The following L3MBTL3 variants were observed in gnomAD, a reference collection of about 807,000 sequenced individuals.
L3MBTL3 encodes the protein lethal(3)malignant brain tumor-like protein 3.
Under a neutral mutation model 102.3 loss-of-function variants are expected in L3MBTL3, and 27 were observed. That is an observed-to-expected ratio of 0.26 (90% CI 0.19 to 0.36). The LOEUF is 0.36. Ranked by LOEUF, L3MBTL3 falls within the 10% of genes least tolerant of loss-of-function variation. L3MBTL3 has a pLI of 1.00. For synonymous variants in L3MBTL3, 340 were observed against 320.9 expected, an observed-to-expected ratio of 1.06 and a Z score of -0.64; for missense variants, 798 against 955.3, an observed-to-expected ratio of 0.84 and a Z score of 2.17.
rs772325877 is a variant in L3MBTL3, at chr6:130,086,244, G to A, written c.1512G>A (p.Arg504=). 6 of 1,602,080 alleles carry A rather than the reference G, an allele frequency of 3.7e-6. No homozygotes were observed. In the Admixed American group the frequency reaches 6.7e-5, roughly 18 times the overall value. Residue 504 remains arginine (R), a synonymous_variant, in exon 16 of 23, where the codon CGG becomes CGA. Transcript: ENST00000361794. ...CTGTGGCAGACACAGATGATCACCG[G>A]GTAAAAGTAAGTGTTCTGTGTGGGG... The part of the protein sequence containing the change: ...VATVADTDDH[R]VKVHFDGWNN...
chr6:130,028,894 T>C (rs1280999023), intron 2 of L3MBTL3, among the ~76,000 whole-genome samples: 16 of 152,212 alleles, frequency 1.1e-4, no homozygotes, highest in Admixed American at 9.2e-4. Context: ...AACAAATACT[T>C]AGCAGCCTAG....
chr6:130,082,746 G>T (rs1783443305), intron 14 of L3MBTL3, among the ~76,000 whole-genome samples: 2 of 152,140 alleles, frequency 1.3e-5, no homozygotes, highest in Non-Finnish European at 2.9e-5. Context: ...CTACAAGAGT[G>T]TTGATGTTTC....
chr6:130,044,710 C>T (rs1201046789), intron 3 of L3MBTL3, among the ~76,000 whole-genome samples: 8 of 152,046 alleles, frequency 5.3e-5, no homozygotes, highest in Non-Finnish European at 1.0e-4. Context: ...ATGTCATTTT[C>T]TTTTACTTTA....
At chr6:130,078,529 T>G (rs1783101916) in intron 13 of L3MBTL3, 29 bp from the exon 14 acceptor site, 3 of 1,495,590 alleles carry the variant, frequency 2.0e-6, no homozygotes, top group Non-Finnish European at 2.8e-6. Flanking sequence ...TCCTGATAAT[T>G]GCAGTTTTTT....
intron 14 of L3MBTL3, among the ~76,000 whole-genome samples, chr6:130,080,379 G>A (rs993898320): frequency 6.6e-6 from 1 of 152,088 alleles, no homozygotes; most frequent in Admixed American, 6.6e-5. Context: ...CAAAATAATA[G>A]TGGCCAGTGA....
intron 8 of L3MBTL3, among the ~76,000 whole-genome samples, chr6:130,056,186 C>T (rs979528479): frequency 6.6e-6 from 1 of 152,184 alleles, no homozygotes; most frequent in Admixed American, 6.5e-5. Flanking sequence ...TGTCTACCTC[C>T]CAAAGTGCTG....
intron 3 of L3MBTL3, among the ~76,000 whole-genome samples, chr6:130,044,035 C>T (rs553415632): frequency 4.6e-5 from 7 of 152,244 alleles, no homozygotes; most frequent in African/African-American, 1.4e-4. Context: ...GAATGCCAAG[C>T]GTTTTGCTTG....
intron 22 of L3MBTL3, among the ~76,000 whole-genome samples, chr6:130,135,842 A>G (rs1787597448): frequency 6.6e-6 from 1 of 152,234 alleles, no homozygotes; most frequent in Non-Finnish European, 1.5e-5. Context: ...TTCGAAAATA[A>G]TGAAACCTAG....
intron 9 of L3MBTL3, 86 bp from the exon 10 acceptor site, chr6:130,059,950 T>C: frequency 4.4e-6 from 3 of 679,400 alleles, no homozygotes; most frequent in African/African-American, 1.8e-5. Flanking sequence ...GGTTAAATAG[T>C]CTTTATTTTT....
At chr6:130,033,824 T>A (rs1481718067) in intron 2 of L3MBTL3, among the ~76,000 whole-genome samples, 1 of 152,234 alleles carries the variant, frequency 6.6e-6, no homozygotes, top group East Asian at 1.9e-4. Context: ...TTATTAAAAC[T>A]ATTTAACTGG....
In L3MBTL3 at chr6:130,141,176, CTCT is replaced by C; in HGVS notation, c.*1428_*1430del. ...GTCTGAATTCTGGGGTAAGTTCCAC[CTCT>C]TCTTTAGTTGCTTTCGTTTTTTATG... On this transcript the variant is annotated 3_prime_UTR_variant, in exon 23 of 23. Transcript: ENST00000361794. The C allele has an allele frequency of 6.6e-6, 1 of 152,218 alleles. No homozygotes were observed. The highest frequency in any genetic ancestry group is 3.4e-3 in the Middle Eastern group (1 of 294). The allele number at this position is 152,218 out of a possible 1,614,324, so 9.4% of individuals were successfully genotyped here.
chr6:130,125,584 C>T (rs1053333737), intron 20 of L3MBTL3, among the ~76,000 whole-genome samples: 1 of 152,214 alleles, frequency 6.6e-6, no homozygotes, highest in African/African-American at 2.4e-5. Context: ...AGTCCTGGCA[C>T]AATTCCTCTT....
chr6:130,066,031 C>G (rs970417445), intron 10 of L3MBTL3, among the ~76,000 whole-genome samples: 1 of 152,092 alleles, frequency 6.6e-6, no homozygotes, highest in Admixed American at 6.6e-5. Flanking sequence ...CCAGCTTACC[C>G]TGGGGACACA....
At chr6:130,093,778 G>T (rs555667173) in intron 17 of L3MBTL3, among the ~76,000 whole-genome samples, 132 of 152,278 alleles carry the variant, frequency 8.7e-4, no homozygotes, top group African/African-American at 3.1e-3. Flanking sequence ...CAATTTCCAG[G>T]AGAGCCCACA....
chr6:130,071,445 A>T (rs1043073493), intron 13 of L3MBTL3, among the ~76,000 whole-genome samples: 1 of 152,202 alleles, frequency 6.6e-6, no homozygotes, highest in Non-Finnish European at 1.5e-5. Context: ...TAATTTAAAC[A>T]TTCGTAATAG....
chr6:130,102,924 A>G (rs2115337555), intron 18 of L3MBTL3, among the ~76,000 whole-genome samples: 1 of 152,354 alleles, frequency 6.6e-6, no homozygotes, highest in South Asian at 2.1e-4. Flanking sequence ...TCCCCCTGGA[A>G]TATCAGCTCC....
At chr6:130,071,641 G>A (rs965562619) in intron 13 of L3MBTL3, among the ~76,000 whole-genome samples, 1 of 151,960 alleles carries the variant, frequency 6.6e-6, no homozygotes, top group Non-Finnish European at 1.5e-5. Context: ...TTCATTGATT[G>A]CTGTAATTCA....
chr6:130,103,638 A>T (rs1262116718), intron 18 of L3MBTL3, among the ~76,000 whole-genome samples: 1 of 152,200 alleles, frequency 6.6e-6, no homozygotes, highest in Non-Finnish European at 1.5e-5. Flanking sequence ...GCCCATGTAT[A>T]TTGGGGTCTG....
At chr6:130,109,999 G>A (rs187594396) in intron 19 of L3MBTL3, among the ~76,000 whole-genome samples, 1 of 152,284 alleles carries the variant, frequency 6.6e-6, no homozygotes, top group East Asian at 1.9e-4. Flanking sequence ...TCGAAGATTA[G>A]ATAGTTGTAC....
Sources: allele counts gnomAD v4.1 joint callset (sites outside exome capture counted in the v4.1 genomes callset), GRCh38; gene constraint gnomAD v4.1.1; transcripts MANE v1.5; gene names NCBI Gene and HGNC (gene_info 2026-07-23, HGNC 2026-07-21).